GMCL1: variants seen among roughly 807,000 people sequenced by gnomAD.
GMCL1 encodes germ cell-less protein-like 1.
In GMCL1, 54 loss-of-function variants were observed where a neutral mutation model predicts 75.5. That is an observed-to-expected ratio of 0.71 (90% CI 0.57 to 0.90). GMCL1 has a LOEUF of 0.90. Among genes scored for constraint, GMCL1 ranks in the 40% least tolerant of loss-of-function variants. The pLI, the probability that GMCL1 is intolerant of heterozygous loss-of-function variation, is 0.00. For synonymous variants in GMCL1, 210 were observed against 209.6 expected, an observed-to-expected ratio of 1.00 and a Z score of -0.02; for missense variants, 537 against 622.7, an observed-to-expected ratio of 0.86 and a Z score of 1.47.
At chr2:69,845,850 C>G (rs1355944362) in intron 6 of GMCL1, among the ~76,000 whole-genome samples, 1 of 152,012 alleles carries the variant, frequency 6.6e-6, no homozygotes, top group Non-Finnish European at 1.5e-5. Context: ...AGCAGTGCTT[C>G]TGAGACAAGG....
At chr2:69,836,043 A>G (rs1674809510) in intron 1 of GMCL1, among the ~76,000 whole-genome samples, 1 of 152,122 alleles carries the variant, frequency 6.6e-6, no homozygotes, top group African/African-American at 2.4e-5. Context: ...TACTCTCCTT[A>G]TCTATACTCT....
In GMCL1 at chr2:69,840,959, G is replaced by C. The variant is rs376147744; in HGVS notation, c.499G>C (p.Gly167Arg). 6.2e-7 allele frequency: 1 copy of C among 1,613,422 alleles called. No individual in the cohort carries two copies. Among genetic ancestry groups the C allele is most frequent in the African/African-American group, 1.3e-5 (1 of 74,908 alleles). ...IDVEALQVAF[G>R]SLYRDDVLIK... ...GCTTTCAGCACTGCAGGTTGCATTT[G>C]GTTCACTGTATCGAGATGATGTCTT... The change falls in exon 4 of 14, where the codon GGT becomes CGT. Residue 167 changes from glycine (G) to arginine (R), a missense_variant. Transcript: ENST00000282570.
chr2:69,872,028 A>G (rs924546641), intron 13 of GMCL1, among the ~76,000 whole-genome samples, 196 bp downstream of exon 13: 8 of 152,208 alleles, frequency 5.3e-5, no homozygotes, highest in Admixed American at 4.6e-4. Context: ...AAGCATAATT[A>G]GGAGAAAAAA....
At chr2:69,876,872 C>G (rs1321161742) in intron 13 of GMCL1, among the ~76,000 whole-genome samples, 2 of 152,094 alleles carry the variant, frequency 1.3e-5, no homozygotes, top group Admixed American at 1.3e-4. Context: ...GCCTGTGGTA[C>G]CACCTACTTG....
chr2:69,852,931 A>G (rs963352977), intron 8 of GMCL1, among the ~76,000 whole-genome samples: 2 of 152,192 alleles, frequency 1.3e-5, no homozygotes, highest in African/African-American at 4.8e-5. Context: ...GAAATTTAGA[A>G]AGTTTTCTAC....
intron 8 of GMCL1, among the ~76,000 whole-genome samples, chr2:69,853,846 A>G (rs1197995464): frequency 6.6e-6 from 1 of 152,174 alleles, no homozygotes; most frequent in Non-Finnish European, 1.5e-5. Flanking sequence ...TCTGTCACCC[A>G]GGCTAGAGTG....
At chr2:69,838,647 T>C (rs1187462709) in intron 2 of GMCL1, among the ~76,000 whole-genome samples, 1 of 152,208 alleles carries the variant, frequency 6.6e-6, no homozygotes, top group Non-Finnish European at 1.5e-5. Flanking sequence ...TTATTTTGGC[T>C]TGAAGTATGT....
At chr2:69,853,654 C>T (rs1675383100) in intron 8 of GMCL1, among the ~76,000 whole-genome samples, 2 of 152,088 alleles carry the variant, frequency 1.3e-5, no homozygotes, top group Non-Finnish European at 2.9e-5. Context: ...GGCTCATGCA[C>T]AAATACCTGT....
intron 11 of GMCL1, 126 bp downstream of exon 11, chr2:69,865,101 G>A (rs1350351458): frequency 1.6e-6 from 1 of 624,048 alleles, no homozygotes; most frequent in African/African-American, 1.9e-5. Context: ...ACTTTCTGTA[G>A]CATGATCTGC....
chr2:69,836,120 T>C (rs2103947036), intron 1 of GMCL1, among the ~76,000 whole-genome samples: 1 of 152,334 alleles, frequency 6.6e-6, no homozygotes, highest in East Asian at 1.9e-4. Flanking sequence ...TCTGCCTTTG[T>C]TTCCCTGAGA....
At chr2:69,876,642 T>C (rs1175113949) in intron 13 of GMCL1, among the ~76,000 whole-genome samples, 1 of 151,982 alleles carries the variant, frequency 6.6e-6, no homozygotes, top group Non-Finnish European at 1.5e-5. Context: ...ATTTAAGAGA[T>C]GGACAAAAAA....
intron 1 of GMCL1, among the ~76,000 whole-genome samples, chr2:69,834,618 A>G (rs1403350661): frequency 1.3e-5 from 2 of 152,074 alleles, no homozygotes; most frequent in South Asian, 2.1e-4. Flanking sequence ...TTTTCAGGTG[A>G]CCATTTTTGC....
intron 11 of GMCL1, among the ~76,000 whole-genome samples, chr2:69,868,755 TA>T (rs1484068528): frequency 6.6e-6 from 1 of 151,202 alleles, no homozygotes; most frequent in Non-Finnish European, 1.5e-5. Flanking sequence ...AATGGGCTCT[TA>T]ATTACCTTAG....
intron 11 of GMCL1, 131 bp downstream of exon 11, chr2:69,865,106 A>G: frequency 3.3e-6 from 2 of 609,784 alleles, no homozygotes; most frequent in Non-Finnish European, 5.7e-6. Context: ...CTGTAGCATG[A>G]TCTGCTGGGA....
At chr2:69,869,943 A>G in intron 12 of GMCL1, 79 bp downstream of exon 12, 1 of 1,417,582 alleles carries the variant, frequency 7.1e-7, no homozygotes, top group Non-Finnish European at 9.6e-7. Flanking sequence ...ATTTACACCA[A>G]CATTAGTAGA....
chr2:69,871,710 CTT>C (rs778020954), intron 12 of GMCL1, 33 bp from the exon 13 acceptor site: 71 of 1,137,514 alleles, frequency 6.2e-5, no homozygotes, highest in Non-Finnish European at 8.5e-5. Context: ...GTTTAAAAAT[CTT>C]GTGTTTATTT....
At chr2:69,877,379 A>G (rs573742352) in intron 13 of GMCL1, among the ~76,000 whole-genome samples, 1 of 152,250 alleles carries the variant, frequency 6.6e-6, no homozygotes, top group East Asian at 1.9e-4. Context: ...CCCTGCCTCA[A>G]TCTTAACTGT....
At chr2:69,843,895 T>C (rs1238607652) in intron 5 of GMCL1, among the ~76,000 whole-genome samples, 2 of 152,198 alleles carry the variant, frequency 1.3e-5, no homozygotes, top group Non-Finnish European at 2.9e-5. Context: ...CTTAATAAAC[T>C]ATTTAACACA....
At chr2:69,832,505 A>G (rs1305636177) in intron 1 of GMCL1, among the ~76,000 whole-genome samples, 1 of 152,220 alleles carries the variant, frequency 6.6e-6, no homozygotes. Context: ...TTTAGGGGGT[A>G]CAGCTGCAGG....
Sources: allele counts gnomAD v4.1 joint callset (sites outside exome capture counted in the v4.1 genomes callset), GRCh38; gene constraint gnomAD v4.1.1; transcripts MANE v1.5; gene names NCBI Gene and HGNC (gene_info 2026-07-23, HGNC 2026-07-21).